The following RSRC1 variants were observed in gnomAD, a reference collection of about 807,000 sequenced individuals.
RSRC1 encodes serine/Arginine-related protein 53.
Under a neutral mutation model 49.1 loss-of-function variants are expected in RSRC1, and 39 were observed. The ratio of observed to expected loss-of-function variants is 0.79; its 90% confidence interval spans 0.61 to 1.04. The LOEUF (loss-of-function observed/expected upper bound fraction) is 1.04, where lower values mean the gene tolerates loss of function less well. Ranked by LOEUF, RSRC1 falls within the 50% of genes least tolerant of loss-of-function variation. The pLI is 0.00. For missense variants in RSRC1, 388 were observed against 402.4 expected (o/e 0.96, Z 0.31); for synonymous variants, 143 against 130.8 (o/e 1.09, Z -0.63).
chr3:158,259,910 G>A (rs1273091086), intron 4 of RSRC1, among the ~76,000 whole-genome samples: 1 of 152,070 alleles, frequency 6.6e-6, no homozygotes. Flanking sequence ...CTCACCCAAG[G>A]TTAAGGGGTT....
intron 6 of RSRC1, among the ~76,000 whole-genome samples, chr3:158,392,773 A>G (rs980687040): frequency 1.3e-5 from 2 of 152,086 alleles, no homozygotes. Context: ...CAAATCATTG[A>G]TGTGGAAAAC....
intron 6 of RSRC1, among the ~76,000 whole-genome samples, chr3:158,388,154 G>A (rs1034217117): frequency 2.0e-5 from 3 of 151,292 alleles, no homozygotes; most frequent in Admixed American, 1.3e-4. Context: ...TTATTCATTT[G>A]AATATATATA....
intron 6 of RSRC1, among the ~76,000 whole-genome samples, chr3:158,455,784 A>T (rs151313649): frequency 0.011 from 1,683 of 152,104 alleles, 19 homozygotes; most frequent in South Asian, 0.031. Context: ...GTTCACGACC[A>T]GCCTGGCCAA....
intron 3 of RSRC1, among the ~76,000 whole-genome samples, chr3:158,134,076 TGGATATTATTCAA>T: frequency 7.0e-6 from 1 of 142,758 alleles, no homozygotes; most frequent in Admixed American, 7.3e-5. Context: ...CCCTGGAGTA[TGGATATTATTCAA>T]GGAAATGAGA....
At chr3:158,535,933 A>T (rs1325682458) in intron 7 of RSRC1, among the ~76,000 whole-genome samples, 2 of 151,516 alleles carry the variant, frequency 1.3e-5, no homozygotes, top group African/African-American at 4.8e-5. Flanking sequence ...AATGTTCATT[A>T]TAGAAAAATC....
chr3:158,359,863 G>C (rs1731373921), intron 6 of RSRC1, among the ~76,000 whole-genome samples: 1 of 152,204 alleles, frequency 6.6e-6, no homozygotes, highest in South Asian at 2.1e-4. Flanking sequence ...GGGTGAACAA[G>C]ATGAAGAGGG....
At chr3:158,172,631 A>C (rs991246951) in intron 3 of RSRC1, among the ~76,000 whole-genome samples, 4 of 152,160 alleles carry the variant, frequency 2.6e-5, no homozygotes, top group African/African-American at 9.6e-5. Flanking sequence ...TCACATTTTC[A>C]CCAGGGAATG....
chr3:158,448,124 A>T (rs1428021771), intron 6 of RSRC1, among the ~76,000 whole-genome samples: 1 of 151,912 alleles, frequency 6.6e-6, no homozygotes, highest in Admixed American at 6.6e-5. Flanking sequence ...CATAGTGGCC[A>T]AACCGACTTC....
chr3:158,365,214 T>G (rs1009324865), intron 6 of RSRC1, among the ~76,000 whole-genome samples: 1 of 152,178 alleles, frequency 6.6e-6, no homozygotes, highest in African/African-American at 2.4e-5. Flanking sequence ...ATTTGTTACA[T>G]AGGTATACAC....
intron 1 of RSRC1, among the ~76,000 whole-genome samples, chr3:158,117,397 G>A (rs887224200): frequency 3.9e-5 from 6 of 152,152 alleles, no homozygotes; most frequent in African/African-American, 1.4e-4. Context: ...TCTGGGCTCA[G>A]GTGATCCTGC....
chr3:158,170,585 G>A (rs906069975), intron 3 of RSRC1, among the ~76,000 whole-genome samples: 2 of 152,210 alleles, frequency 1.3e-5, no homozygotes, highest in Non-Finnish European at 1.5e-5. Context: ...AAAACTTAAA[G>A]AAGTGTCTCA....
chr3:158,137,192 C>G (rs532789261), intron 3 of RSRC1, among the ~76,000 whole-genome samples: 2 of 152,186 alleles, frequency 1.3e-5, no homozygotes, highest in South Asian at 4.2e-4. Flanking sequence ...TTAATAAGCT[C>G]ATTTAAAAAA....
At chr3:158,112,517 A>G (rs1220666156) in intron 1 of RSRC1, among the ~76,000 whole-genome samples, 1 of 152,204 alleles carries the variant, frequency 6.6e-6, no homozygotes, top group Non-Finnish European at 1.5e-5. Context: ...AACTATAACA[A>G]AGAAATATGG....
intron 7 of RSRC1, among the ~76,000 whole-genome samples, chr3:158,492,398 A>G (rs1739122221): frequency 6.6e-6 from 1 of 152,246 alleles, no homozygotes; most frequent in South Asian, 2.1e-4. Context: ...ATTTTCAAAC[A>G]GTACTCCCAT....
At chr3:158,316,364 TCCC>T (rs1728443511) in intron 5 of RSRC1, among the ~76,000 whole-genome samples, 2 of 151,544 alleles carry the variant, frequency 1.3e-5, no homozygotes, top group Non-Finnish European at 2.9e-5. Context: ...TATGTGTACT[TCCC>T]TACTCTGTTT....
chr3:158,382,447 T>C (rs888969933), intron 6 of RSRC1, among the ~76,000 whole-genome samples: 1 of 152,220 alleles, frequency 6.6e-6, no homozygotes, highest in East Asian at 1.9e-4. Flanking sequence ...TTTACACCAA[T>C]ATCACCACAA....
chr3:158,259,827 C>T (rs1484513423), intron 4 of RSRC1, among the ~76,000 whole-genome samples: 1 of 152,178 alleles, frequency 6.6e-6, no homozygotes, highest in Non-Finnish European at 1.5e-5. Context: ...CCCCTTTTCT[C>T]AAGCTAAGGA....
intron 3 of RSRC1, among the ~76,000 whole-genome samples, chr3:158,183,559 T>TA (rs1166423486): frequency 6.6e-6 from 1 of 152,032 alleles, no homozygotes; most frequent in African/African-American, 2.4e-5. Context: ...AAAGGACCAC[T>TA]AAAAAAAGGA....
intron 6 of RSRC1, among the ~76,000 whole-genome samples, chr3:158,421,022 G>GT (rs1054179010): frequency 6.6e-6 from 1 of 151,632 alleles, no homozygotes; most frequent in African/African-American, 2.4e-5. Context: ...ATATTCATTC[G>GT]TTTTTTTTCT....
Sources: allele counts gnomAD v4.1 joint callset (sites outside exome capture counted in the v4.1 genomes callset), GRCh38; gene constraint gnomAD v4.1.1; transcripts MANE v1.5; gene names NCBI Gene and HGNC (gene_info 2026-07-23, HGNC 2026-07-21).